Variants in PTPRD observed in about 807,000 individuals in gnomAD.
The protein encoded by PTPRD is receptor-type tyrosine-protein phosphatase delta.
PTPRD carries 34 observed loss-of-function variants against 214.5 expected under a neutral mutation model. The observed-to-expected ratio is 0.16, with a 90% CI of 0.12 to 0.21. The LOEUF is 0.21. Ranked by LOEUF, PTPRD falls within the 10% of genes least tolerant of loss-of-function variation. PTPRD has a pLI of 1.00. For missense variants in PTPRD, 2,545 were observed against 2,398.7 expected (o/e 1.06, Z -1.27); for synonymous variants, 1,128 against 845.7 (o/e 1.33, Z -5.79).
intron 34 of PTPRD, among the ~76,000 whole-genome samples, chr9:8,437,704 G>A (rs771239582): frequency 1.1e-4 from 17 of 152,130 alleles, no homozygotes; most frequent in East Asian, 1.9e-4. Flanking sequence ...GTCCACTAAT[G>A]AGAAATGGAT....
Position 9,278,750 on chromosome 9 carries a change from T to G in PTPRD, c.-202-95387A>C, listed in dbSNP as rs114691239. Among the ~76,000 whole-genome samples the G allele has an allele frequency of 5.0e-3, 762 of 151,484 alleles. 7 individuals carry two copies. The highest frequency in any genetic ancestry group is 0.018 in the African/African-American group (727 of 41,440). ...TCATTTTCTCATCTAGAACATGCAG[T>G]TAATAACGTTTACTTTCAAGTGTTA... On this transcript the variant is annotated intron_variant, in intron 9 of 45. Coordinates refer to ENST00000381196, the MANE Select transcript of PTPRD (RefSeq NM_002839.4).
chr9:8,383,949 A>G (rs1269083753), intron 37 of PTPRD, among the ~76,000 whole-genome samples: 1 of 152,190 alleles, frequency 6.6e-6, no homozygotes, highest in African/African-American at 2.4e-5. Context: ...TTTTCTAAGC[A>G]TGAGGTTGAT....
chr9:8,327,399 CTGTT>C (rs568077758), intron 44 of PTPRD, among the ~76,000 whole-genome samples: 88 of 151,794 alleles, frequency 5.8e-4, no homozygotes, highest in Middle Eastern at 6.8e-3. Flanking sequence ...GTCTGAGAGA[CTGTT>C]TGTTATGATT....
chr9:9,215,215 T>C (rs938186752), intron 9 of PTPRD, among the ~76,000 whole-genome samples: 3 of 152,210 alleles, frequency 2.0e-5, no homozygotes, highest in African/African-American at 7.2e-5. Flanking sequence ...CCTGCTTTCA[T>C]GTGTCTCTTA....
intron 2 of PTPRD, among the ~76,000 whole-genome samples, chr9:10,419,057 G>A (rs113218263): frequency 6.6e-6 from 1 of 151,972 alleles, no homozygotes; most frequent in African/African-American, 2.4e-5. Flanking sequence ...TGGCATTAGG[G>A]CTGAAGTACT....
intron 12 of PTPRD, among the ~76,000 whole-genome samples, chr9:8,693,459 G>A (rs2097849836): frequency 6.6e-6 from 1 of 152,164 alleles, no homozygotes; most frequent in African/African-American, 2.4e-5. Flanking sequence ...TAGGCATTAA[G>A]GTGCTTAAAT....
intron 14 of PTPRD, among the ~76,000 whole-genome samples, chr9:8,601,627 T>C (rs925823469): frequency 6.6e-6 from 1 of 152,106 alleles, no homozygotes; most frequent in Non-Finnish European, 1.5e-5. Flanking sequence ...CTGGAGCCTA[T>C]CCAAGACCAA....
At chr9:10,300,173 A>G (rs1426623104) in intron 3 of PTPRD, among the ~76,000 whole-genome samples, 1 of 152,160 alleles carries the variant, frequency 6.6e-6, no homozygotes, top group Non-Finnish European at 1.5e-5. Context: ...AAAAAAGTAA[A>G]ATTCACGTAG....
intron 12 of PTPRD, among the ~76,000 whole-genome samples, chr9:8,689,911 CA>C (rs1391483491): frequency 6.6e-6 from 1 of 151,864 alleles, no homozygotes; most frequent in Non-Finnish European, 1.5e-5. Flanking sequence ...AGTTCAAGAC[CA>C]GCCTAGCCAA....
intron 14 of PTPRD, among the ~76,000 whole-genome samples, chr9:8,545,308 C>T (rs1243974872): frequency 6.6e-6 from 1 of 152,084 alleles, no homozygotes; most frequent in Non-Finnish European, 1.5e-5. Context: ...TCTGATAATT[C>T]AGTTTTTCGT....
intron 2 of PTPRD, among the ~76,000 whole-genome samples, chr9:10,406,564 C>T (rs1288710577): frequency 6.6e-6 from 1 of 151,530 alleles, no homozygotes; most frequent in Non-Finnish European, 1.5e-5. Flanking sequence ...GGAAAAGACA[C>T]CATAAAATAT....
intron 2 of PTPRD, among the ~76,000 whole-genome samples, chr9:10,406,274 A>G (rs921981616): frequency 6.6e-6 from 1 of 151,496 alleles, no homozygotes; most frequent in Admixed American, 6.6e-5. Flanking sequence ...TAGTTTATTC[A>G]TCTAATAAGT....
intron 3 of PTPRD, among the ~76,000 whole-genome samples, chr9:10,103,177 A>G (rs1290199479): frequency 6.6e-6 from 1 of 151,352 alleles, no homozygotes; most frequent in Non-Finnish European, 1.5e-5. Flanking sequence ...TTTTCAAACA[A>G]TTTTTACTTA....
chr9:9,598,949 G>T (rs573001152), intron 7 of PTPRD, among the ~76,000 whole-genome samples: 1 of 151,830 alleles, frequency 6.6e-6, no homozygotes, highest in Non-Finnish European at 1.5e-5. Context: ...CACAGTTCTT[G>T]GTTCCTAAGC....
intron 4 of PTPRD, among the ~76,000 whole-genome samples, chr9:9,946,141 C>A (rs1243831481): frequency 3.4e-5 from 5 of 147,778 alleles, no homozygotes. Context: ...TAAATCATTA[C>A]CTTGTACCTT....
At chr9:9,681,076 C>G (rs1454936278) in intron 7 of PTPRD, among the ~76,000 whole-genome samples, 1 of 151,586 alleles carries the variant, frequency 6.6e-6, no homozygotes, top group African/African-American at 2.4e-5. Context: ...ATAGAGATTT[C>G]AAAATAAGCA....
At chr9:10,326,692 TA>T (rs1361783186) in intron 3 of PTPRD, among the ~76,000 whole-genome samples, 2 of 151,624 alleles carry the variant, frequency 1.3e-5, no homozygotes, top group African/African-American at 2.4e-5. Flanking sequence ...AAAGCATCTA[TA>T]AAACCTACTC....
chr9:9,936,254 T>C (rs2089343195), intron 5 of PTPRD, among the ~76,000 whole-genome samples: 1 of 148,430 alleles, frequency 6.7e-6, no homozygotes, highest in Non-Finnish European at 1.5e-5. Flanking sequence ...AAAGAGCTTC[T>C]GCACAGCAAA....
chr9:10,107,192 G>A (rs1276495920), intron 3 of PTPRD, among the ~76,000 whole-genome samples: 1 of 152,004 alleles, frequency 6.6e-6, no homozygotes, highest in Non-Finnish European at 1.5e-5. Flanking sequence ...GATGGAAACG[G>A]TAAATGAAAT....
Sources: allele counts gnomAD v4.1 joint callset (sites outside exome capture counted in the v4.1 genomes callset), GRCh38; gene constraint gnomAD v4.1.1; transcripts MANE v1.5; gene names NCBI Gene and HGNC (gene_info 2026-07-23, HGNC 2026-07-21).